The following FKBP9 variants were observed in gnomAD, a reference collection of about 807,000 sequenced individuals.
The protein encoded by FKBP9 is FKBP prolyl isomerase 9.
A neutral mutation model predicts 55.6 loss-of-function variants in FKBP9; 27 were observed. The observed-to-expected ratio is 0.49, with a 90% CI of 0.36 to 0.67. The LOEUF (loss-of-function observed/expected upper bound fraction) is 0.67, where lower values mean the gene tolerates loss of function less well. FKBP9 is among the 30% of genes least tolerant of loss of function. The pLI is 0.00. For synonymous variants in FKBP9, 267 were observed against 296.5 expected, an observed-to-expected ratio of 0.90 and a Z score of 1.02; for missense variants, 539 against 742.8, an observed-to-expected ratio of 0.73 and a Z score of 3.19.
At chr7:33,000,726 G>A (rs192237450) in intron 8 of FKBP9, among the ~76,000 whole-genome samples, 1 of 151,930 alleles carries the variant, frequency 6.6e-6, no homozygotes, top group Non-Finnish European at 1.5e-5. Context: ...TCCTCACAGT[G>A]GTTATGTTTT....
chr7:32,976,312 C>T, intron 3 of FKBP9, 42 bp from the exon 4 acceptor site: 1 of 1,613,156 alleles, frequency 6.2e-7, no homozygotes, highest in Non-Finnish European at 8.5e-7. Flanking sequence ...TTGGAAATAT[C>T]CTCATGGTGT....
chr7:32,998,097 T>G (rs1396829796), intron 7 of FKBP9, among the ~76,000 whole-genome samples: 1 of 152,174 alleles, frequency 6.6e-6, no homozygotes, highest in African/African-American at 2.4e-5. Context: ...AGGGCCCAGA[T>G]GTACAGGGAC....
intron 1 of FKBP9, 77 bp downstream of exon 1, chr7:32,957,871 G>C (rs1783933112): frequency 2.7e-6 from 3 of 1,126,112 alleles, no homozygotes; most frequent in Admixed American, 8.0e-5. Flanking sequence ...CCCTCCTGCC[G>C]GACCTCCCCT....
intron 6 of FKBP9, among the ~76,000 whole-genome samples, chr7:32,990,346 GA>G (rs1179032273): frequency 6.6e-6 from 1 of 152,158 alleles, no homozygotes; most frequent in Admixed American, 6.5e-5. Flanking sequence ...CGAGAGGCTG[GA>G]AAAGATGGAA....
At chr7:33,000,401 A>T in intron 8 of FKBP9, 141 bp downstream of exon 8, 1 of 1,277,024 alleles carries the variant, frequency 7.8e-7, no homozygotes, top group Non-Finnish European at 1.0e-6. Flanking sequence ...TTTTTAAAAA[A>T]TTATTTAGTA....
At chr7:33,001,272 C>T (rs1449580139) in intron 8 of FKBP9, among the ~76,000 whole-genome samples, 3 of 152,274 alleles carry the variant, frequency 2.0e-5, no homozygotes, top group East Asian at 1.9e-4. Flanking sequence ...TGGCCGGGTG[C>T]GGTGGCTCAT....
At chr7:32,975,815 T>C (rs144488379) in intron 3 of FKBP9, among the ~76,000 whole-genome samples, 1 of 151,906 alleles carries the variant, frequency 6.6e-6, no homozygotes, top group Non-Finnish European at 1.5e-5. Context: ...CCAAGCTAAT[T>C]TTTTGTATTT....
Position 32,996,273 on chromosome 7 carries a change from G to A in FKBP9, c.1150G>A (p.Val384Met). The A allele has an allele frequency of 1.3e-5, 21 of 1,614,124 alleles. No individual in the cohort carries two copies. The highest frequency in any genetic ancestry group is 1.7e-5 in the Non-Finnish European group (20 of 1,179,990). ...TSHYKPPDCS[V>M]LSKKGDYLKY... The stretch of plus-strand genomic sequence containing the variant: ...CCACTACAAACCCCCTGACTGCTCA[G>A]TGCTGAGTAAGAAGGGAGATTACCT... The change falls in exon 7 of 10, where the codon GTG becomes ATG. Residue 384 changes from valine (V) to methionine (M), a missense_variant. Val to Met is a conservative substitution (Grantham distance 21, BLOSUM62 1). Coordinates refer to ENST00000242209, the MANE Select transcript of FKBP9 (RefSeq NM_007270.5).
chr7:32,979,570 A>G lies in FKBP9; in HGVS notation c.704-794A>G, dbSNP rs1417028252. 4.5e-6 allele frequency: 7 copies of G among 1,549,950 alleles called. No homozygotes were observed. The African/African-American group carries it at 5.5e-5, about 12-fold the overall frequency. On this transcript the variant is annotated intron_variant, in intron 4 of 9. Transcript: ENST00000242209. Reference sequence around the variant, plus strand: ...GTCTGGGCCTACTCCTTTGCATGATATAACAAATGGCAGGTAAAACTGAGG... The same window carrying G: ...GTCTGGGCCTACTCCTTTGCATGATGTAACAAATGGCAGGTAAAACTGAGG...
chr7:32,989,266 A>G (rs1784636918), intron 6 of FKBP9, among the ~76,000 whole-genome samples: 1 of 152,142 alleles, frequency 6.6e-6, no homozygotes, highest in East Asian at 1.9e-4. Flanking sequence ...TGTCACCATC[A>G]CTATAATCCT....
chr7:32,959,389 G>C (rs1021079186), intron 1 of FKBP9, among the ~76,000 whole-genome samples: 3 of 152,142 alleles, frequency 2.0e-5, no homozygotes, highest in African/African-American at 7.2e-5. Flanking sequence ...GGGTGACAGG[G>C]AGACTCCGTC....
intron 1 of FKBP9, among the ~76,000 whole-genome samples, chr7:32,965,884 TAG>T (rs376558399): frequency 8.2e-5 from 9 of 110,378 alleles, no homozygotes; most frequent in East Asian, 2.5e-4. Context: ...TATATATATA[TAG>T]AGAGAGAGAG....
chr7:32,995,844 A>T (rs1044755361), intron 6 of FKBP9, among the ~76,000 whole-genome samples: 1 of 152,162 alleles, frequency 6.6e-6, no homozygotes, highest in African/African-American at 2.4e-5. Flanking sequence ...TCTGTGATCA[A>T]CTTAGCCACT....
chr7:32,962,287 G>A (rs1437334248), intron 1 of FKBP9, among the ~76,000 whole-genome samples: 27 of 152,040 alleles, frequency 1.8e-4, no homozygotes, highest in Non-Finnish European at 2.9e-4. Flanking sequence ...CCAGCTACTC[G>A]GGAGGCTGAG....
chr7:32,964,877 C>T (rs1312830959), intron 1 of FKBP9, among the ~76,000 whole-genome samples: 1 of 152,188 alleles, frequency 6.6e-6, no homozygotes, highest in Non-Finnish European at 1.5e-5. Flanking sequence ...AGTGGTGAAA[C>T]TCAGCCAGCA....
chr7:32,967,315 T>C (rs1474857614), intron 1 of FKBP9, among the ~76,000 whole-genome samples: 2 of 152,246 alleles, frequency 1.3e-5, no homozygotes, highest in African/African-American at 2.4e-5. Flanking sequence ...TGTTGTGCAA[T>C]ATATCTCTAG....
intron 6 of FKBP9, chr7:32,992,721 G>A (rs1784709112): frequency 4.7e-6 from 1 of 210,558 alleles, no homozygotes; most frequent in African/African-American, 2.3e-5. Flanking sequence ...CATTTTTGCA[G>A]GCGGAGAAAC....
At chr7:32,974,934 G>A in intron 2 of FKBP9, 172 bp downstream of exon 2, 1 of 659,128 alleles carries the variant, frequency 1.5e-6, no homozygotes, top group Non-Finnish European at 2.6e-6. Flanking sequence ...TCTTCTAGAT[G>A]TGAAAGAAAG....
chr7:32,976,214 A>G, intron 3 of FKBP9, 140 bp from the exon 4 acceptor site: 1 of 932,914 alleles, frequency 1.1e-6, no homozygotes. Context: ...GTTTGGGGGA[A>G]AAGATCCATA....
Sources: allele counts gnomAD v4.1 joint callset (sites outside exome capture counted in the v4.1 genomes callset), GRCh38; gene constraint gnomAD v4.1.1; transcripts MANE v1.5; gene names NCBI Gene and HGNC (gene_info 2026-07-23, HGNC 2026-07-21).